The following SMIM31 variants were observed in gnomAD, a reference collection of about 807,000 sequenced individuals.
The protein encoded by SMIM31 is human epithelial cell program regulator.
chr4:164,782,484 T>C (rs1452019197), intron 2 of SMIM31, among the ~76,000 whole-genome samples: 1 of 147,610 alleles, frequency 6.8e-6, no homozygotes, highest in African/African-American at 2.5e-5. Context: ...GTTCACGCCA[T>C]TCTCCTGCCT....
intron 1 of SMIM31, among the ~76,000 whole-genome samples, chr4:164,756,039 C>G (rs1732556452): frequency 6.6e-6 from 1 of 152,172 alleles, no homozygotes; most frequent in East Asian, 1.9e-4. Context: ...CCTCAGTAAA[C>G]TTTACCCCTA....
At chr4:164,774,281 GCAATA>G (rs1243948519) in intron 2 of SMIM31, among the ~76,000 whole-genome samples, 1 of 151,666 alleles carries the variant, frequency 6.6e-6, no homozygotes, top group Non-Finnish European at 1.5e-5. Flanking sequence ...TAAATATCTG[GCAATA>G]CAATACATTC....
chr4:164,798,982 T>A (rs963178305), intron 2 of SMIM31, among the ~76,000 whole-genome samples: 1 of 152,160 alleles, frequency 6.6e-6, no homozygotes, highest in Non-Finnish European at 1.5e-5. Context: ...CCATTTCACC[T>A]TCTGCCATGA....
intron 2 of SMIM31, among the ~76,000 whole-genome samples, chr4:164,786,014 A>C (rs1334646761): frequency 6.6e-6 from 1 of 152,206 alleles, no homozygotes; most frequent in Non-Finnish European, 1.5e-5. Context: ...TTCCTATAGG[A>C]AATGACCAAG....
intron 1 of SMIM31, among the ~76,000 whole-genome samples, chr4:164,760,805 T>C (rs1732637223): frequency 6.8e-6 from 1 of 146,418 alleles, no homozygotes; most frequent in South Asian, 2.2e-4. Flanking sequence ...ATATGAACTG[T>C]GAAAGAAAGA....
intron 1 of SMIM31, among the ~76,000 whole-genome samples, chr4:164,768,954 T>C (rs774148673): frequency 9.2e-5 from 14 of 152,202 alleles, no homozygotes; most frequent in Non-Finnish European, 2.1e-4. Context: ...GGAATTAATA[T>C]TCTCTACCAC....
At chr4:164,772,831 G>T (rs555097095) in intron 2 of SMIM31, among the ~76,000 whole-genome samples, 1 of 151,436 alleles carries the variant, frequency 6.6e-6, no homozygotes, top group African/African-American at 2.4e-5. Context: ...GCCCGCCTCG[G>T]CCTCCCAAAG....
At chr4:164,771,612 T>C (rs371208868) in intron 2 of SMIM31, among the ~76,000 whole-genome samples, 15 of 149,966 alleles carry the variant, frequency 1.0e-4, no homozygotes, top group African/African-American at 3.7e-4. Context: ...CCATCCTGGC[T>C]AACACAGTGA....
intron 1 of SMIM31, among the ~76,000 whole-genome samples, chr4:164,765,269 A>G (rs1291736360): frequency 6.6e-6 from 1 of 152,222 alleles, no homozygotes; most frequent in African/African-American, 2.4e-5. Flanking sequence ...TAGGAACAGC[A>G]TTGACAGGAG....
chr4:164,775,981 C>T (rs1305431955), intron 2 of SMIM31, among the ~76,000 whole-genome samples: 1 of 152,138 alleles, frequency 6.6e-6, no homozygotes, highest in Non-Finnish European at 1.5e-5. Flanking sequence ...TGGCAATTCA[C>T]CTAAACTACA....
intron 2 of SMIM31, among the ~76,000 whole-genome samples, chr4:164,778,157 G>A (rs961718533): frequency 2.0e-5 from 3 of 152,166 alleles, no homozygotes; most frequent in Non-Finnish European, 2.9e-5. Context: ...GGAGGCCAAG[G>A]CAGGAGGATG....
Position 164,765,561 on chromosome 4 carries a change from C to G in SMIM31, c.-25-4858C>G, listed in dbSNP as rs114117103. 1.4e-3 allele frequency among the ~76,000 whole-genome samples: 205 copies of G among 145,000 alleles called. 1 individual carries two copies. The highest frequency in any genetic ancestry group is 2.2e-3 in the Non-Finnish European group (150 of 67,078). On this transcript the variant is annotated intron_variant, in intron 1 of 2. Coordinates refer to ENST00000507311, the MANE Select transcript of SMIM31 (RefSeq NM_001352885.1). ...TTTCAGATTATTTAAATTAGATAAG[C>G]ATTCAATGCAGCAGGTGAGTCTTGT...
At chr4:164,782,879 CA>C (rs1169519771) in intron 2 of SMIM31, among the ~76,000 whole-genome samples, 1 of 151,896 alleles carries the variant, frequency 6.6e-6, no homozygotes, top group Non-Finnish European at 1.5e-5. Flanking sequence ...GTAATTATTT[CA>C]AAAAACTGAA....
At position 164,802,486 on chromosome 4, in the gene SMIM31, T is replaced by A. The variant is rs1733299795; in HGVS notation, c.*1292T>A. 1.3e-5 allele frequency: 2 copies of A among 152,320 alleles called. No individual in the cohort carries two copies. The highest frequency in any genetic ancestry group is 2.4e-5 in the African/African-American group (1 of 41,464). 9.4% of individuals were successfully genotyped at this position (152,320 alleles called of 1,614,324 possible). A position where few individuals can be genotyped will look rare whatever the true frequency, so the allele number is the denominator to read the frequency against. On this transcript the variant is annotated 3_prime_UTR_variant, in exon 3 of 3. Coordinates refer to ENST00000507311, the MANE Select transcript of SMIM31 (RefSeq NM_001352885.1). ...TCCTGGACTCAAGCGATCCTCTGCC[T>A]TAGCCTCCCAAAGCACTGGGATTAC...
rs375502922 is a variant in SMIM31 at position 164,783,112 on chromosome 4, G to A, written c.112+12557G>A. ...ACACGCTTGTAGTCCCAGCTACTCC[G>A]GAACCTGAGGCAGGAGAATTGCTTG... On this transcript the variant is annotated intron_variant, in intron 2 of 2. Coordinates refer to ENST00000507311, the MANE Select transcript of SMIM31 (RefSeq NM_001352885.1). Among the ~76,000 whole-genome samples, 336 of 151,472 alleles carry A rather than the reference G, an allele frequency of 2.2e-3. 1 individual carries two copies. The highest frequency in any genetic ancestry group is 3.4e-3 in the Middle Eastern group (1 of 292).
intron 2 of SMIM31, among the ~76,000 whole-genome samples, chr4:164,775,713 G>T (rs1324663792): frequency 6.6e-6 from 1 of 152,178 alleles, no homozygotes; most frequent in East Asian, 1.9e-4. Flanking sequence ...AAGTAATATA[G>T]TTGCTTAGTA....
At chr4:164,783,587 A>AAAC (rs1732989208) in intron 2 of SMIM31, among the ~76,000 whole-genome samples, 1 of 111,686 alleles carries the variant, frequency 9.0e-6, no homozygotes, top group Non-Finnish European at 1.7e-5. Flanking sequence ...ATGAAATTTC[A>AAAC]GAAAACAGTG....
intron 2 of SMIM31, among the ~76,000 whole-genome samples, chr4:164,799,470 A>G (rs1482204378): frequency 6.6e-6 from 1 of 152,202 alleles, no homozygotes; most frequent in Non-Finnish European, 1.5e-5. Flanking sequence ...GATGGAAAGA[A>G]CAGCCTAATA....
chr4:164,778,733 G>A (rs2110942361), intron 2 of SMIM31, among the ~76,000 whole-genome samples: 1 of 152,274 alleles, frequency 6.6e-6, no homozygotes, highest in South Asian at 2.1e-4. Flanking sequence ...CGGTGAGCAT[G>A]ATCATGGCTC....
Sources: allele counts gnomAD v4.1 joint callset (sites outside exome capture counted in the v4.1 genomes callset), GRCh38; gene constraint gnomAD v4.1.1; transcripts MANE v1.5; gene names NCBI Gene and HGNC (gene_info 2026-07-23, HGNC 2026-07-21).